The following CUL5 variants were observed in gnomAD, a reference collection of about 807,000 sequenced individuals.
The protein encoded by CUL5 is cullin 5, also known as cullin-5.
CUL5 carries 26 observed loss-of-function variants against 108.8 expected under a neutral mutation model. The ratio of observed to expected loss-of-function variants is 0.24; its 90% CI spans 0.18 to 0.33. CUL5 has a LOEUF of 0.33. Ranked by LOEUF, CUL5 falls within the 10% of genes least tolerant of loss-of-function variation. The pLI is 1.00. For missense variants in CUL5, 524 were observed against 909.2 expected (o/e 0.58, Z 5.45); for synonymous variants, 334 against 298.0 (o/e 1.12, Z -1.25).
intron 11 of CUL5, chr11:108,085,126 A>G (rs1021564001): frequency 3.3e-5 from 5 of 152,240 alleles, no homozygotes; most frequent in African/African-American, 1.2e-4. Flanking sequence ...ATGCTCATAA[A>G]TGTTCATAGT....
At chr11:108,093,785 C>G (rs1864416950) in intron 13 of CUL5, among the ~76,000 whole-genome samples, 1 of 152,202 alleles carries the variant, frequency 6.6e-6, no homozygotes, top group African/African-American at 2.4e-5. Context: ...AGAGCTTAAA[C>G]TCCTGGGCTC....
At chr11:108,032,414 A>G (rs1181385040) in intron 1 of CUL5, among the ~76,000 whole-genome samples, 1 of 152,136 alleles carries the variant, frequency 6.6e-6, no homozygotes, top group Non-Finnish European at 1.5e-5. Flanking sequence ...AGGATCAGGC[A>G]GGAGAATTGC....
intron 18 of CUL5, among the ~76,000 whole-genome samples, chr11:108,100,175 C>T (rs751851304): frequency 1.3e-5 from 2 of 152,100 alleles, no homozygotes; most frequent in Non-Finnish European, 2.9e-5. Flanking sequence ...AGTGGTGGAA[C>T]TTGCCCTGCC....
intron 1 of CUL5, among the ~76,000 whole-genome samples, chr11:108,012,166 T>C (rs1329442986): frequency 6.6e-6 from 1 of 152,180 alleles, no homozygotes; most frequent in Non-Finnish European, 1.5e-5. Context: ...GGATCTGATA[T>C]TATAATTTTA....
chr11:108,057,043 T>G (rs1863397449), intron 7 of CUL5, among the ~76,000 whole-genome samples: 1 of 152,196 alleles, frequency 6.6e-6, no homozygotes, highest in Non-Finnish European at 1.5e-5. Flanking sequence ...TGTTACAGTT[T>G]TATAAGGTGA....
chr11:108,013,213 T>G (rs1862096426), intron 1 of CUL5, among the ~76,000 whole-genome samples: 1 of 152,174 alleles, frequency 6.6e-6, no homozygotes, highest in Non-Finnish European at 1.5e-5. Context: ...ATCACGTTTG[T>G]TTTTCACTGA....
In CUL5 at chr11:108,008,946, G is replaced by A. The variant is rs1214017653; in HGVS notation, c.-403G>A. ...GTGACGTGGCCGCGGAACCTGAGCT[G>A]CGGGGCCTAAGCCGAGCTAAATTCG... On this transcript the variant is annotated 5_prime_UTR_variant, in exon 1 of 19. Transcript: ENST00000393094. The A allele has an allele frequency of 5.4e-6, 1 of 185,762 alleles. No individual in the cohort carries two copies. The allele number at this position is 185,762 out of a possible 1,614,324, so 11.5% of individuals were successfully genotyped here.
chr11:108,034,432 T>C (rs182431839), intron 2 of CUL5, among the ~76,000 whole-genome samples: 49 of 152,300 alleles, frequency 3.2e-4, no homozygotes, highest in Non-Finnish European at 4.3e-4. Context: ...GCCACTGTTA[T>C]TTCAGGAAAG....
At chr11:108,046,636 C>T (rs1863075110) in intron 3 of CUL5, 1 of 298,454 alleles carries the variant, frequency 3.4e-6, no homozygotes, top group Admixed American at 4.8e-5. Context: ...TTGGGAGTCC[C>T]CACCACCATT....
Position 108,068,309 on chromosome 11 carries a change from C to CT in CUL5, c.781-1778dup, listed in dbSNP as rs1036444863. On this transcript the variant is annotated intron_variant, in intron 7 of 18. Transcript: ENST00000393094. ...TTCTTGTAGAGGAGCCTGAAAAAACCTTTTTTTTTGTTTTGTTTTGTTTTG... is the reference window on the plus strand; with the variant it reads ...TTCTTGTAGAGGAGCCTGAAAAAACCTTTTTTTTTTGTTTTGTTTTGTTTTG... Among the ~76,000 whole-genome samples the CT allele has an allele frequency of 2.5e-4, 38 of 150,490 alleles. No homozygotes were observed. In the East Asian group the frequency reaches 4.8e-3, roughly 19 times the overall value.
chr11:108,076,769 AGAC>A (rs1863951334), intron 10 of CUL5, among the ~76,000 whole-genome samples: 1 of 152,206 alleles, frequency 6.6e-6, no homozygotes, highest in Admixed American at 6.5e-5. Flanking sequence ...TTATGAAGAT[AGAC>A]TATTCAGGAT....
chr11:108,032,977 C>G (rs991286906), intron 1 of CUL5, among the ~76,000 whole-genome samples: 1 of 152,080 alleles, frequency 6.6e-6, no homozygotes, highest in African/African-American at 2.4e-5. Flanking sequence ...CTTCTGACAC[C>G]AACTGTAAGC....
intron 7 of CUL5, among the ~76,000 whole-genome samples, chr11:108,056,088 TAAAAAAC>T (rs1005102507): frequency 6.6e-6 from 1 of 152,144 alleles, no homozygotes; most frequent in Non-Finnish European, 1.5e-5. Flanking sequence ...CTCAAAATAT[TAAAAAAC>T]AAAAAACTAG....
rs1591341429 is a variant in CUL5 at position 108,105,400 on chromosome 11, T to A, written c.*1016T>A. 1.3e-5 allele frequency: 2 copies of A among 152,496 alleles called. No individual in the cohort carries two copies. The highest frequency in any genetic ancestry group is 4.8e-5 in the African/African-American group (2 of 41,416). The allele number at this position is 152,496 out of a possible 1,614,324, so 9.4% of individuals were successfully genotyped here. A position where few individuals can be genotyped will look rare whatever the true frequency, so the allele number is the denominator to read the frequency against. ...ATTTTAAGGTCTCATGATTAGGGATTTGTAGCCTCAGGTTTGAATCAGTCA... is the reference window on the plus strand; with the variant it reads ...ATTTTAAGGTCTCATGATTAGGGATATGTAGCCTCAGGTTTGAATCAGTCA... On this transcript the variant is annotated 3_prime_UTR_variant, in exon 19 of 19. Coordinates refer to ENST00000393094, the MANE Select transcript of CUL5 (RefSeq NM_003478.6).
intron 11 of CUL5, among the ~76,000 whole-genome samples, chr11:108,083,348 C>T (rs552252672): frequency 6.6e-6 from 1 of 152,202 alleles, no homozygotes; most frequent in Non-Finnish European, 1.5e-5. Context: ...GTTGCTATTA[C>T]TGTTAGTGCT....
In CUL5 at chr11:108,016,338, C is replaced by T. The variant is rs1055697958; in HGVS notation, c.24+6966C>T. Among the ~76,000 whole-genome samples, 2 of 152,156 alleles carry T rather than the reference C, an allele frequency of 1.3e-5. 1 individual carries two copies. The highest frequency in any genetic ancestry group is 2.9e-5 in the Non-Finnish European group (2 of 68,026). On this transcript the variant is annotated intron_variant, in intron 1 of 18. Transcript: ENST00000393094. Reference sequence around the variant, plus strand: ...CTGGAGTACAGTGGCGCAGTCACAGCTCCCTACAGCCTTGACCTCCTCAGG... The same window carrying T: ...CTGGAGTACAGTGGCGCAGTCACAGTTCCCTACAGCCTTGACCTCCTCAGG...
At chr11:108,030,682 C>A (rs1020735395) in intron 1 of CUL5, among the ~76,000 whole-genome samples, 1 of 152,116 alleles carries the variant, frequency 6.6e-6, no homozygotes, top group Non-Finnish European at 1.5e-5. Flanking sequence ...AAGCAGGCAT[C>A]TGGAGCAAGA....
chr11:108,083,844 G>A (rs1452029200), intron 11 of CUL5, among the ~76,000 whole-genome samples: 3 of 152,186 alleles, frequency 2.0e-5, no homozygotes, highest in Admixed American at 6.5e-5. Flanking sequence ...AATAGGTGGT[G>A]TGGCTATTGG....
At chr11:108,081,247 C>A (rs1864075066) in intron 11 of CUL5, among the ~76,000 whole-genome samples, 1 of 151,976 alleles carries the variant, frequency 6.6e-6, no homozygotes, top group Non-Finnish European at 1.5e-5. Context: ...GAGATCGTGC[C>A]ATTACACTCC....
Sources: allele counts gnomAD v4.1 joint callset (sites outside exome capture counted in the v4.1 genomes callset), GRCh38; gene constraint gnomAD v4.1.1; transcripts MANE v1.5; gene names NCBI Gene and HGNC (gene_info 2026-07-23, HGNC 2026-07-21).